Variants in MTOR observed in about 807,000 individuals in gnomAD.
MTOR encodes the protein mechanistic target of rapamycin kinase.
A neutral mutation model predicts 319.8 loss-of-function variants in MTOR; 70 were observed. The ratio of observed to expected loss-of-function variants is 0.22; its 90% CI spans 0.18 to 0.27. MTOR has a LOEUF of 0.27. MTOR is among the 10% of genes least tolerant of loss of function. MTOR has a pLI of 1.00. For synonymous variants in MTOR, 1,183 were observed against 1,211.4 expected, an observed-to-expected ratio of 0.98 and a Z score of 0.49; for missense variants, 1,890 against 3,274.4, an observed-to-expected ratio of 0.58 and a Z score of 10.32.
At chr1:11,201,257 A>C (rs2100752633) in intron 26 of MTOR, among the ~76,000 whole-genome samples, 1 of 152,330 alleles carries the variant, frequency 6.6e-6, no homozygotes, top group East Asian at 1.9e-4. Context: ...AACATTGTGT[A>C]TATCACAAGC....
At position 11,199,360 on chromosome 1, in the gene MTOR, C is replaced by T. The variant is rs1428998719; in HGVS notation, c.4151G>A (p.Gly1384Asp). Residue 1384 changes from glycine to aspartate, a missense_variant, in exon 28 of 58, where the codon GGT becomes GAT. Transcript: ENST00000361445. The surrounding 1 kb of genome is among the most constrained non-coding windows in gnomAD (Gnocchi z 4.5). ...TGCTCGGCACTTGGCAGCTCTCTCA[C>T]CCAGCAGAACAATGCCATTGTCATC... is the stretch of plus-strand genomic sequence containing the variant. ...LRDDNGIVLL[G>D]ERAAKCRAYA... 1 of 1,614,194 alleles carries T rather than the reference C, an allele frequency of 6.2e-7. No homozygotes were observed. The highest frequency in any genetic ancestry group is 8.5e-7 in the Non-Finnish European group (1 of 1,180,024).
Position 11,106,535 on chromosome 1 carries a change from T to C in MTOR, c.*950A>G. ...ATGACTAAAACGCCACTCATATACA[T>C]ATGTTTAAAATTCTGATGTCATTTA... On this transcript the variant is annotated 3_prime_UTR_variant, in exon 58 of 58. Transcript: ENST00000361445. The C allele has an allele frequency of 7.8e-6, 8 of 1,027,192 alleles. No individual in the cohort carries two copies. Among genetic ancestry groups the C allele is most frequent in the Non-Finnish European group, 9.5e-6 (8 of 842,052 alleles). The allele number at this position is 1,027,192 out of a possible 1,614,324, so 63.6% of individuals were successfully genotyped here. A position where few individuals can be genotyped will look rare whatever the true frequency, so the allele number is the denominator to read the frequency against.
chr1:11,125,833 G>C (rs1368346102), intron 46 of MTOR, among the ~76,000 whole-genome samples: 5 of 150,932 alleles, frequency 3.3e-5, no homozygotes, highest in Non-Finnish European at 7.4e-5. Flanking sequence ...CTTGAGGTCA[G>C]AGTTCGAGAC....
intron 26 of MTOR, among the ~76,000 whole-genome samples, chr1:11,202,875 T>G (rs755825801): frequency 6.1e-4 from 92 of 151,972 alleles, no homozygotes; most frequent in Non-Finnish European, 1.1e-3. Context: ...CCCACTGCAC[T>G]CCAGCCCGGG....
chr1:11,160,762 G>A (rs112241213), intron 29 of MTOR, among the ~76,000 whole-genome samples: 3,752 of 152,276 alleles, frequency 0.025, 75 homozygotes, highest in Non-Finnish European at 0.038. Context: ...CTGCATATTC[G>A]AATCTACCCT....
In MTOR at chr1:11,107,437, A is replaced by G; in HGVS notation, c.*48T>C. ...TCAGTTTAGTGGAAGCATTTACTAAAGTACAAAAGCCTCAGAAAAAACGTG... is the reference window on the plus strand; with the variant it reads ...TCAGTTTAGTGGAAGCATTTACTAAGGTACAAAAGCCTCAGAAAAAACGTG... On this transcript the variant is annotated 3_prime_UTR_variant, in exon 58 of 58. Transcript: ENST00000361445. The G allele has an allele frequency of 1.9e-6, 3 of 1,591,178 alleles. No homozygotes were observed. The highest frequency in any genetic ancestry group is 2.6e-6 in the Non-Finnish European group (3 of 1,174,572).
intron 13 of MTOR, among the ~76,000 whole-genome samples, chr1:11,236,912 G>A (rs111667782): frequency 0.01 from 1,598 of 152,254 alleles, 38 homozygotes; most frequent in African/African-American, 0.037. Context: ...AAATCATTAC[G>A]CTAAAAATAG....
chr1:11,227,687 A>G (rs1033724334), intron 19 of MTOR, among the ~76,000 whole-genome samples: 6 of 152,196 alleles, frequency 3.9e-5, no homozygotes, highest in Non-Finnish European at 8.8e-5. Context: ...GGGGGAGGGG[A>G]AAATTCCTCT....
intron 28 of MTOR, among the ~76,000 whole-genome samples, chr1:11,197,523 C>T (rs962982113): frequency 2.0e-5 from 3 of 152,158 alleles, no homozygotes; most frequent in Non-Finnish European, 4.4e-5. Flanking sequence ...TCCCCAGTAA[C>T]AGCATTCATT....
intron 46 of MTOR, among the ~76,000 whole-genome samples, chr1:11,125,558 C>T (rs1642783111): frequency 6.6e-6 from 1 of 151,618 alleles, no homozygotes; most frequent in Non-Finnish European, 1.5e-5. Context: ...TGGTGAAATC[C>T]CATCTCTACT....
In MTOR at chr1:11,121,976, T is replaced by C. The variant is rs764947666; in HGVS notation, c.6810+3A>G. Reference sequence around the variant, plus strand: ...CACTAGCTCTCGTGGCCGCATCACATACCCGCAACATGATGCGATGCTCGA... The same window carrying C: ...CACTAGCTCTCGTGGCCGCATCACACACCCGCAACATGATGCGATGCTCGA... On this transcript the variant is annotated splice_donor_region_variant and intron_variant, in intron 48 of 57. Coordinates refer to ENST00000361445, the MANE Select transcript of MTOR (RefSeq NM_004958.4). The surrounding 1 kb of genome is among the most constrained non-coding windows in gnomAD (Gnocchi z 4.9). The C allele has an allele frequency of 1.9e-6, 3 of 1,613,946 alleles. No homozygotes were observed. Among genetic ancestry groups the C allele is most frequent in the Non-Finnish European group, 2.5e-6 (3 of 1,179,890 alleles).
chr1:11,228,960 T>C lies in MTOR; in HGVS notation c.2780-42A>G, dbSNP rs1187397214. ...GAGAGTGTTAGAGCTACACATGGCA[T>C]GACGTGACTTCAGGCAGAGCATGGT... On this transcript the variant is annotated intron_variant, in intron 18 of 57. Coordinates refer to ENST00000361445, the MANE Select transcript of MTOR (RefSeq NM_004958.4). 10 of 1,604,874 alleles carry C rather than the reference T, an allele frequency of 6.2e-6. No homozygotes were observed. The Admixed American group carries it at 1.5e-4, about 24-fold the overall frequency.
chr1:11,221,961 A>G (rs901755687), intron 19 of MTOR, among the ~76,000 whole-genome samples: 1 of 150,936 alleles, frequency 6.6e-6, no homozygotes, highest in Non-Finnish European at 1.5e-5. Context: ...ATATATATGT[A>G]TCTTCATGAG....
chr1:11,151,396 A>T (rs1330141737), intron 30 of MTOR, among the ~76,000 whole-genome samples: 1 of 152,156 alleles, frequency 6.6e-6, no homozygotes, highest in Non-Finnish European at 1.5e-5. Flanking sequence ...CTGAAGCTCC[A>T]TTAAGGGAAC....
At chr1:11,189,397 G>C (rs949926258) in intron 28 of MTOR, 2 of 746,592 alleles carry the variant, frequency 2.7e-6, no homozygotes, top group South Asian at 3.7e-5. Context: ...CAGCTCCCCT[G>C]TCAGAGACTC....
chr1:11,129,960 T>C lies in MTOR; in HGVS notation c.5614-122A>G. Reference sequence around the variant, plus strand: ...TGGTTATAACAATTAAATCGGTTAATGCATGAAAAATCTTTAATCATTACC... The same window carrying C: ...TGGTTATAACAATTAAATCGGTTAACGCATGAAAAATCTTTAATCATTACC... On this transcript the variant is annotated intron_variant, in intron 39 of 57. Transcript: ENST00000361445. The surrounding 1 kb of genome is among the most constrained non-coding windows in gnomAD (Gnocchi z 4.7). The C allele has an allele frequency of 1.3e-6, 1 of 772,330 alleles. No homozygotes were observed. Among genetic ancestry groups the C allele is most frequent in the Non-Finnish European group, 2.1e-6 (1 of 465,292 alleles). The allele number at this position is 772,330 out of a possible 1,614,324, so 47.8% of individuals were successfully genotyped here. A position where few individuals can be genotyped will look rare whatever the true frequency, so the allele number is the denominator to read the frequency against.
intron 19 of MTOR, among the ~76,000 whole-genome samples, chr1:11,220,031 C>CAAAAAA (rs35124153): frequency 1.3e-4 from 7 of 54,270 alleles, no homozygotes; most frequent in Admixed American, 2.5e-4. Flanking sequence ...GACTTGATCT[C>CAAAAAA]AAAAAAAAAA....
intron 6 of MTOR, among the ~76,000 whole-genome samples, chr1:11,248,432 G>A (rs1473415919): frequency 6.6e-6 from 1 of 152,206 alleles, no homozygotes; most frequent in Non-Finnish European, 1.5e-5. Context: ...CCACTGCAAT[G>A]AGGCTTGCAA....
intron 38 of MTOR, chr1:11,131,045 G>A: frequency 1.9e-6 from 1 of 534,952 alleles, no homozygotes; most frequent in Non-Finnish European, 3.3e-6. Flanking sequence ...TTGCCTCAAG[G>A]GATCTCCCGG....
Sources: allele counts gnomAD v4.1 joint callset (sites outside exome capture counted in the v4.1 genomes callset), GRCh38; gene constraint gnomAD v4.1.1; non-coding constraint Gnocchi (gnomAD v3.1); transcripts MANE v1.5; gene names NCBI Gene and HGNC (gene_info 2026-07-23, HGNC 2026-07-21).